The following PDE1C variants were observed in gnomAD, a reference collection of about 807,000 sequenced individuals.
PDE1C encodes the protein phosphodiesterase 1C.
Under a neutral mutation model 93.1 loss-of-function variants are expected in PDE1C, and 62 were observed. The observed-to-expected ratio is 0.67, with a 90% CI of 0.54 to 0.82. The LOEUF (loss-of-function observed/expected upper bound fraction) is 0.82, where lower values mean the gene tolerates loss of function less well. Among genes scored for constraint, PDE1C ranks in the 40% least tolerant of loss-of-function variants. The pLI is 0.00. For missense variants in PDE1C, 742 were observed against 884.6 expected (o/e 0.84, Z 2.04); for synonymous variants, 325 against 310.1 (o/e 1.05, Z -0.50).
At chr7:31,810,286 C>A (rs1326878134) in intron 15 of PDE1C, among the ~76,000 whole-genome samples, 1 of 152,084 alleles carries the variant, frequency 6.6e-6, no homozygotes, top group African/African-American at 2.4e-5. Context: ...AAACCAAGAA[C>A]ACATTCTCAC....
At chr7:31,908,254 AAC>A (rs1325941680) in intron 2 of PDE1C, among the ~76,000 whole-genome samples, 1 of 152,176 alleles carries the variant, frequency 6.6e-6, no homozygotes, top group Non-Finnish European at 1.5e-5. Context: ...AAATGGTGAA[AAC>A]AGTCAATAGT....
chr7:31,743,281 T>C, the PDE1C span, among the ~76,000 whole-genome samples: 1 of 152,144 alleles, frequency 6.6e-6, no homozygotes, highest in Non-Finnish European at 1.5e-5. Context: ...AGTCTCATCT[T>C]ATGCCAGCCT....
chr7:31,889,985 G>GA (rs1275984612), intron 2 of PDE1C, among the ~76,000 whole-genome samples: 1 of 148,702 alleles, frequency 6.7e-6, no homozygotes, highest in Admixed American at 7.0e-5. Flanking sequence ...GGACATAGCG[G>GA]ATTTTTTTTT....
chr7:32,343,624 T>C (rs1263647628), intron 1 of PDE1C, among the ~76,000 whole-genome samples: 1 of 152,252 alleles, frequency 6.6e-6, no homozygotes, highest in Admixed American at 6.5e-5. Context: ...TATTTGTATA[T>C]AGAAATTGCA....
chr7:31,786,635 G>A (rs1376694593), intron 16 of PDE1C: 2 of 152,148 alleles, frequency 1.3e-5, no homozygotes, highest in Non-Finnish European at 2.9e-5. Context: ...CCTGTGGGGT[G>A]TGTGGGCATC....
intron 1 of PDE1C, among the ~76,000 whole-genome samples, chr7:32,224,482 T>A (rs1807107364): frequency 6.6e-6 from 1 of 152,166 alleles, no homozygotes; most frequent in Non-Finnish European, 1.5e-5. Flanking sequence ...GGTAAAAATG[T>A]CACAATACTC....
intron 1 of PDE1C, among the ~76,000 whole-genome samples, chr7:32,239,942 ATC>A (rs1384845141): frequency 6.6e-6 from 1 of 152,234 alleles, no homozygotes; most frequent in Non-Finnish European, 1.5e-5. Context: ...GCAATTCAGC[ATC>A]TCTCTTTCCT....
chr7:31,673,874 C>G, the PDE1C span, among the ~76,000 whole-genome samples: 1 of 152,042 alleles, frequency 6.6e-6, no homozygotes, highest in East Asian at 1.9e-4. Context: ...TGATAAAATG[C>G]CTTTCAGATC....
intron 3 of PDE1C, among the ~76,000 whole-genome samples, chr7:32,163,710 G>A (rs757082186): frequency 5.9e-5 from 9 of 152,132 alleles, no homozygotes; most frequent in Non-Finnish European, 1.2e-4. Flanking sequence ...GAACTGAGAT[G>A]GGCAATGCAC....
At chr7:32,217,034 G>A (rs2128850662) in intron 1 of PDE1C, among the ~76,000 whole-genome samples, 1 of 152,346 alleles carries the variant, frequency 6.6e-6, no homozygotes, top group African/African-American at 2.4e-5. Flanking sequence ...TGTTGAGGTG[G>A]GCAAAGAGGC....
the PDE1C span, among the ~76,000 whole-genome samples, chr7:31,698,371 A>G: frequency 6.6e-6 from 1 of 151,992 alleles, no homozygotes; most frequent in African/African-American, 2.4e-5. Context: ...CCCACTTCCA[A>G]TTACCTCTAT....
chr7:32,355,361 C>T (rs928461280), intron 1 of PDE1C, among the ~76,000 whole-genome samples: 1 of 152,144 alleles, frequency 6.6e-6, no homozygotes, highest in Admixed American at 6.5e-5. Flanking sequence ...GCAGCCCTGC[C>T]CAAGAGGGGC....
chr7:32,051,707 A>C (rs1793407786), intron 1 of PDE1C, 127 bp from the exon 2 acceptor site: 1 of 747,780 alleles, frequency 1.3e-6, no homozygotes, highest in Non-Finnish European at 2.4e-6. Context: ...TGTGAAGCTT[A>C]TGGGTTTCAA....
rs544005150 is a variant in PDE1C, at chr7:31,914,237, AAT to A, written c.129-33379_129-33378del. On this transcript the variant is annotated intron_variant, in intron 2 of 17. Coordinates refer to ENST00000396191, the MANE Select transcript of PDE1C (RefSeq NM_001191057.4). Reference sequence around the variant, plus strand: ...AGTCAAAGTCCAAGATCTTAATTAAAATATAGTTTACTTTAGAGAAGGTAAAG... The same window carrying A: ...AGTCAAAGTCCAAGATCTTAATTAAAATAGTTTACTTTAGAGAAGGTAAAG... 3.7e-3 allele frequency among the ~76,000 whole-genome samples: 558 copies of A among 152,300 alleles called. 2 individuals carry two copies. The highest frequency in any genetic ancestry group is 0.012 in the African/African-American group (515 of 41,564).
intron 2 of PDE1C, among the ~76,000 whole-genome samples, chr7:31,981,334 A>G (rs1812341470): frequency 6.6e-6 from 1 of 152,330 alleles, no homozygotes; most frequent in African/African-American, 2.4e-5. Context: ...ATAGAGTTTG[A>G]AATTTTATAG....
intron 2 of PDE1C, among the ~76,000 whole-genome samples, chr7:32,191,272 A>G (rs1046007806): frequency 6.6e-6 from 1 of 152,206 alleles, no homozygotes; most frequent in African/African-American, 2.4e-5. Context: ...TTGTAACACC[A>G]TAGTACAAGA....
chr7:32,420,124 T>TATATATACAC (rs1207972839), intron 1 of PDE1C, among the ~76,000 whole-genome samples: 6 of 13,088 alleles, frequency 4.6e-4, no homozygotes, highest in African/African-American at 1.5e-3. Flanking sequence ...TATATATATA[T>TATATATACAC]ACACACACAC....
rs529997538 is a variant in PDE1C at position 31,806,795 on chromosome 7, G to A, written c.1891+2236C>T. Among the ~76,000 whole-genome samples, 3 of 151,946 alleles carry A rather than the reference G, an allele frequency of 2.0e-5. No individual in the cohort carries two copies. The South Asian group carries it at 6.2e-4, about 31-fold the overall frequency. Reference sequence around the variant, plus strand: ...AGTCACCAATGGTTCCCAGGGATTGGTCTAGGGGTAGGGACATTAAAAATT... The same window carrying A: ...AGTCACCAATGGTTCCCAGGGATTGATCTAGGGGTAGGGACATTAAAAATT... On this transcript the variant is annotated intron_variant, in intron 16 of 17. Transcript: ENST00000396191.
the PDE1C span, among the ~76,000 whole-genome samples, chr7:31,636,740 T>C: frequency 6.6e-6 from 1 of 151,746 alleles, no homozygotes; most frequent in Non-Finnish European, 1.5e-5. Context: ...ATTTTATTAT[T>C]ATTATACTTT....
Sources: gnomAD v4.1 joint callset for allele counts (sites outside exome capture counted in the v4.1 genomes callset) on GRCh38, gnomAD v4.1.1 for gene constraint, MANE v1.5 for transcripts, NCBI Gene and HGNC (gene_info 2026-07-23, HGNC 2026-07-21) for gene names.